The following COG7 variants were observed in gnomAD, a reference collection of about 807,000 sequenced individuals.
COG7 encodes the protein component of oligomeric golgi complex 7.
COG7 carries 49 observed loss-of-function variants against 91.5 expected under a neutral mutation model. The observed-to-expected ratio is 0.54, with a 90% CI of 0.43 to 0.68. The LOEUF (loss-of-function observed/expected upper bound fraction) is 0.68, where lower values mean the gene tolerates loss of function less well. Ranked by LOEUF, COG7 falls within the 30% of genes least tolerant of loss-of-function variation. The probability of loss-of-function intolerance (pLI) is 0.00; values close to 1 mark genes in which losing one functional copy is unlikely to be tolerated. For missense variants in COG7, 895 were observed against 961.3 expected (o/e 0.93, Z 0.91); for synonymous variants, 365 against 388.7 (o/e 0.94, Z 0.72).
chr16:23,443,084 C>T (rs1332341655), intron 3 of COG7, among the ~76,000 whole-genome samples: 3 of 150,904 alleles, frequency 2.0e-5, no homozygotes, highest in African/African-American at 7.3e-5. Flanking sequence ...TAAATTAAAA[C>T]AATAAAGTGT....
intron 13 of COG7, among the ~76,000 whole-genome samples, chr16:23,399,242 G>A (rs1963336197): frequency 6.6e-6 from 1 of 152,150 alleles, no homozygotes; most frequent in African/African-American, 2.4e-5. Context: ...TTTCTTTGAT[G>A]TAAATGAGCT....
At position 23,403,832 on chromosome 16, in the gene COG7, T is replaced by C. The variant is rs762202872; in HGVS notation, c.1665A>G (p.Glu555=). 5 of 1,614,200 alleles carry C rather than the reference T, an allele frequency of 3.1e-6. No individual in the cohort carries two copies. The highest frequency in any genetic ancestry group is 4.5e-5 in the East Asian group (2 of 44,888). The change falls in exon 13 of 17, where the codon GAA becomes GAG. Residue 555 remains glutamate, a splice_region_variant and synonymous_variant. Coordinates refer to ENST00000307149, the MANE Select transcript of COG7 (RefSeq NM_153603.4). ...SLMEILYTLK[E]KGSSNHNLLA... ...GCAGGTTGTGGTTGCTTGACCCTTT[T>C]TCCTAAGACAAGAAAATGCAAAAGG...
At chr16:23,402,290 C>CA (rs1284768986) in intron 13 of COG7, among the ~76,000 whole-genome samples, 5 of 152,006 alleles carry the variant, frequency 3.3e-5, no homozygotes, top group African/African-American at 1.2e-4. Context: ...TGCTGGACAT[C>CA]AAACTGCTGA....
In COG7 at chr16:23,396,233, G is replaced by A. The variant is rs368869245; in HGVS notation, c.1887+1813C>T. Among the ~76,000 whole-genome samples, 53 of 152,272 alleles carry A rather than the reference G, an allele frequency of 3.5e-4. 1 individual carries two copies. In the South Asian group the frequency reaches 0.01, roughly 30 times the overall value. On this transcript the variant is annotated intron_variant, in intron 14 of 16. Coordinates refer to ENST00000307149, the MANE Select transcript of COG7 (RefSeq NM_153603.4). The stretch of plus-strand genomic sequence containing the variant: ...GGAGGACAGCAGCAGGCAGGGAAGG[G>A]CCCGGGCCTGGAAACTCCTCCTAGC...
At chr16:23,412,484 C>A (rs1358700347) in intron 10 of COG7, 1 of 152,244 alleles carries the variant, frequency 6.6e-6, no homozygotes, top group Non-Finnish European at 1.5e-5. Flanking sequence ...TAGGTCAAAT[C>A]TGGCCATAGG....
At chr16:23,442,380 A>G (rs1433149694) in intron 4 of COG7, 97 bp downstream of exon 4, 3 of 1,149,928 alleles carry the variant, frequency 2.6e-6, no homozygotes, top group African/African-American at 3.0e-5. Flanking sequence ...AATCTATGTA[A>G]TTCAATCACC....
intron 4 of COG7, among the ~76,000 whole-genome samples, chr16:23,440,108 G>C (rs960921062): frequency 6.7e-6 from 1 of 150,016 alleles, no homozygotes; most frequent in South Asian, 2.1e-4. Context: ...AAAAAAATAG[G>C]CTGGGCACGG....
At chr16:23,429,060 G>A (rs1352171777) in intron 6 of COG7, among the ~76,000 whole-genome samples, 2 of 151,926 alleles carry the variant, frequency 1.3e-5, no homozygotes. Context: ...AGCAATCATG[G>A]CTCATTGAAG....
chr16:23,389,413 A>G (rs1163184448), intron 16 of COG7, among the ~76,000 whole-genome samples: 1 of 150,832 alleles, frequency 6.6e-6, no homozygotes, highest in African/African-American at 2.4e-5. Flanking sequence ...ACAAACTCGC[A>G]CACACACTCA....
chr16:23,447,610 TA>T (rs1042225482), intron 1 of COG7, among the ~76,000 whole-genome samples: 3 of 151,356 alleles, frequency 2.0e-5, no homozygotes, highest in African/African-American at 7.3e-5. Flanking sequence ...AGAAATAAAA[TA>T]AAATCCCTGG....
chr16:23,440,112 G>T (rs545375491), intron 4 of COG7, among the ~76,000 whole-genome samples: 141 of 151,822 alleles, frequency 9.3e-4, no homozygotes, highest in Non-Finnish European at 1.2e-3. Context: ...AAATAGGCTG[G>T]GCACGGTGGC....
At chr16:23,425,918 G>A (rs1167624909) in intron 6 of COG7, among the ~76,000 whole-genome samples, 2 of 152,100 alleles carry the variant, frequency 1.3e-5, no homozygotes, top group East Asian at 1.9e-4. Context: ...AAATTAACTA[G>A]AGAGAGGACT....
chr16:23,413,270 G>T (rs2142072549), intron 10 of COG7, 178 bp downstream of exon 10: 1 of 596,630 alleles, frequency 1.7e-6, no homozygotes, highest in Non-Finnish European at 3.1e-6. Context: ...TTTGTTGGTT[G>T]GTTTGGGTTG....
chr16:23,403,732 G>T lies in COG7; in HGVS notation c.1765C>A (p.Arg589Ser). Residue 589 changes from arginine (R) to serine (S), a missense_variant, in exon 13 of 17, where the codon CGC (arginine) becomes AGC (serine). By Grantham distance (110) the Arg-to-Ser change is moderately radical. Transcript: ENST00000307149. ...ATAAGCAACAGCTGTTGTTTGATGC[G>T]CAGGAACACGGAATCGAAAGCCAGC... Reference protein sequence around the residue: ...HQLAFDSVFLRIKQQLLLISK... With the variant: ...HQLAFDSVFLSIKQQLLLISK... The T allele has an allele frequency of 3.7e-6, 6 of 1,614,172 alleles. No homozygotes were observed. The highest frequency in any genetic ancestry group is 4.2e-6 in the Non-Finnish European group (5 of 1,180,014).
At position 23,416,911 on chromosome 16, in the gene COG7, C is replaced by T. The variant is rs577615678; in HGVS notation, c.1292+56G>A. On this transcript the variant is annotated intron_variant, in intron 9 of 16. Transcript: ENST00000307149. ...AAATACAGAACACGTGCATTTTTAT[C>T]TGGGACAGACACTGCTCCAATGTGG... The T allele has an allele frequency of 4.2e-4, 680 of 1,607,776 alleles. 3 individuals carry two copies. The highest frequency in any genetic ancestry group is 1.0e-3 in the South Asian group (91 of 90,714).
chr16:23,410,362 T>C lies in COG7; in HGVS notation c.1410-2A>G. 6.2e-7 allele frequency: 1 copy of C among 1,613,594 alleles called. No individual in the cohort carries two copies. Among genetic ancestry groups the C allele is most frequent in the Non-Finnish European group, 8.5e-7 (1 of 1,179,682 alleles). ...AGCTCTCCACAGGTGGCTATTATCCTAAACAAAACAAAAAGCACTTCAAGT... is the reference window on the plus strand; with the variant it reads ...AGCTCTCCACAGGTGGCTATTATCCCAAACAAAACAAAAAGCACTTCAAGT... On this transcript the variant is annotated splice_acceptor_variant, in intron 10 of 16. Transcript: ENST00000307149. LOFTEE classifies it high-confidence loss of function.
intron 14 of COG7, among the ~76,000 whole-genome samples, chr16:23,395,655 G>T (rs1963274018): frequency 6.6e-6 from 1 of 152,158 alleles, no homozygotes; most frequent in Non-Finnish European, 1.5e-5. Context: ...GGGGTTCCTA[G>T]ATCTCACAGT....
chr16:23,391,992 G>T, intron 16 of COG7: 5 of 1,172,436 alleles, frequency 4.3e-6, no homozygotes, highest in Non-Finnish European at 4.3e-6. Context: ...TACATAAGAC[G>T]ATGGGTGCGA....
intron 4 of COG7, among the ~76,000 whole-genome samples, chr16:23,437,774 A>AT (rs1964033984): frequency 2.0e-5 from 3 of 152,220 alleles, no homozygotes; most frequent in Non-Finnish European, 4.4e-5. Context: ...TGCACTCAAT[A>AT]AATTGGACTA....
Sources: allele counts gnomAD v4.1 joint callset (sites outside exome capture counted in the v4.1 genomes callset), GRCh38; gene constraint gnomAD v4.1.1; transcripts MANE v1.5; gene names NCBI Gene and HGNC (gene_info 2026-07-23, HGNC 2026-07-21).